Variants in NYAP2 observed in about 807,000 individuals in gnomAD.
NYAP2 encodes the protein neuronal tyrosine-phosphorylated phosphoinositide-3-kinase adaptor 2.
In NYAP2, 23 loss-of-function variants were observed where a neutral mutation model predicts 50.4. That is an observed-to-expected ratio of 0.46 (90% CI 0.33 to 0.65). The LOEUF (loss-of-function observed/expected upper bound fraction) is 0.65, where lower values mean the gene tolerates loss of function less well. NYAP2 is among the 30% of genes least tolerant of loss of function. The pLI is 0.02. For synonymous variants in NYAP2, 394 were observed against 365.2 expected (o/e 1.08, Z -0.90); for missense variants, 885 against 861.0 (o/e 1.03, Z -0.35).
intron 3 of NYAP2, among the ~76,000 whole-genome samples, chr2:225,456,014 C>A (rs1689732769): frequency 3.3e-5 from 5 of 152,222 alleles, no homozygotes; most frequent in African/African-American, 1.2e-4. Context: ...ATAAGACAAT[C>A]AGCATATTCA....
intron 3 of NYAP2, among the ~76,000 whole-genome samples, chr2:225,421,436 A>G (rs1695213208): frequency 6.6e-6 from 1 of 152,196 alleles, no homozygotes; most frequent in African/African-American, 2.4e-5. Flanking sequence ...GGGACAGATG[A>G]CATTTTGTGA....
the NYAP2 span, among the ~76,000 whole-genome samples, chr2:225,685,094 C>T: frequency 6.6e-6 from 1 of 152,194 alleles, no homozygotes; most frequent in African/African-American, 2.4e-5. Context: ...GGTACTTCCC[C>T]AGTTCAATTC....
chr2:225,555,317 T>G (rs569980059), intron 4 of NYAP2, among the ~76,000 whole-genome samples: 1 of 152,336 alleles, frequency 6.6e-6, no homozygotes, highest in South Asian at 2.1e-4. Flanking sequence ...TATTTCATTT[T>G]TCTTCCCTTT....
In NYAP2 at chr2:225,519,437, A is replaced by C. The variant is rs191228702; in HGVS notation, c.523+5765A>C. ...TCCCTCCCCCTCCCCCCACCCCACAACAGTCCCCAGAGTGTGATGTTCCCC... is the reference window on the plus strand; with the variant it reads ...TCCCTCCCCCTCCCCCCACCCCACACCAGTCCCCAGAGTGTGATGTTCCCC... On this transcript the variant is annotated intron_variant, in intron 4 of 6. Transcript: ENST00000636099. Among the ~76,000 whole-genome samples, 182 of 100,850 alleles carry C rather than the reference A, an allele frequency of 1.8e-3. No homozygotes were observed. In the East Asian group the frequency reaches 0.035, roughly 20 times the overall value. The allele number at this position is 100,850 out of a possible 152,430, so 66.2% of individuals were successfully genotyped here.
chr2:225,621,371 T>G (rs1693100700), intron 5 of NYAP2, among the ~76,000 whole-genome samples: 1 of 152,210 alleles, frequency 6.6e-6, no homozygotes, highest in Admixed American at 6.5e-5. Flanking sequence ...TTTTGACTTC[T>G]CATAAAAAGA....
chr2:225,592,657 A>T (rs1306604672), intron 5 of NYAP2, among the ~76,000 whole-genome samples: 1 of 152,128 alleles, frequency 6.6e-6, no homozygotes, highest in Non-Finnish European at 1.5e-5. Flanking sequence ...GGACCATGAC[A>T]TTGTCTGTTT....
intron 3 of NYAP2, among the ~76,000 whole-genome samples, chr2:225,481,495 T>G (rs1432911074): frequency 6.6e-6 from 1 of 152,138 alleles, no homozygotes; most frequent in Non-Finnish European, 1.5e-5. Flanking sequence ...ATTCACTTTT[T>G]GACCTGCTAA....
the NYAP2 span, among the ~76,000 whole-genome samples, chr2:225,676,886 A>T: frequency 6.6e-6 from 1 of 152,174 alleles, no homozygotes; most frequent in Non-Finnish European, 1.5e-5. Flanking sequence ...TGCTTTGACT[A>T]TTTGGGCTTT....
chr2:225,458,958 A>C (rs1689781912), intron 3 of NYAP2, among the ~76,000 whole-genome samples: 1 of 151,930 alleles, frequency 6.6e-6, no homozygotes, highest in African/African-American at 2.4e-5. Flanking sequence ...TCATTGGTCT[A>C]CTCTGCTTTC....
At chr2:225,404,936 G>A (rs1428072359) in intron 2 of NYAP2, among the ~76,000 whole-genome samples, 1 of 151,934 alleles carries the variant, frequency 6.6e-6, no homozygotes, top group Non-Finnish European at 1.5e-5. Context: ...TCCCAGGAGG[G>A]TCCCTGACAC....
intron 5 of NYAP2, among the ~76,000 whole-genome samples, chr2:225,618,190 G>A (rs1055806306): frequency 2.0e-5 from 3 of 152,146 alleles, no homozygotes; most frequent in South Asian, 2.1e-4. Flanking sequence ...CACAGCTACC[G>A]TACCAAGGGC....
intron 4 of NYAP2, among the ~76,000 whole-genome samples, chr2:225,547,784 C>T (rs1273008139): frequency 2.6e-5 from 4 of 152,162 alleles, no homozygotes; most frequent in African/African-American, 7.2e-5. Flanking sequence ...TATCATTGCT[C>T]ACCTGATTTT....
Position 225,627,134 on chromosome 2 carries a change from A to G in NYAP2, c.1828+8A>G. ...CGGGAAACCACAGTTCAGGTAAGGC[A>G]GATTATGATCTTCCAGAAGGTAATT... On this transcript the variant is annotated splice_region_variant and intron_variant, in intron 6 of 6. Coordinates refer to ENST00000636099, the Ensembl canonical transcript of NYAP2. 1 of 1,569,144 alleles carries G rather than the reference A, an allele frequency of 6.4e-7. No homozygotes were observed. Among genetic ancestry groups the G allele is most frequent in the Non-Finnish European group, 8.7e-7 (1 of 1,155,214 alleles).
chr2:225,426,456 G>A (rs1362752232), intron 3 of NYAP2, among the ~76,000 whole-genome samples: 1 of 152,176 alleles, frequency 6.6e-6, no homozygotes, highest in East Asian at 1.9e-4. Context: ...GCAGGAACTC[G>A]CTTTGCTCAT....
exon 4 of NYAP2, chr2:225,513,486 G>A (rs777944306): frequency 6.2e-7 from 1 of 1,613,778 alleles, no homozygotes; most frequent in African/African-American, 1.3e-5. Flanking sequence ...TTGCTCCAGT[G>A]GCTTTTCTGT....
At chr2:225,604,596 T>C (rs1260728185) in intron 5 of NYAP2, among the ~76,000 whole-genome samples, 1 of 152,170 alleles carries the variant, frequency 6.6e-6, no homozygotes, top group African/African-American at 2.4e-5. Context: ...GTGTTTTGCA[T>C]ATGGTTTTAC....
chr2:225,690,660 G>A, the NYAP2 span, among the ~76,000 whole-genome samples: 2 of 151,670 alleles, frequency 1.3e-5, no homozygotes, highest in African/African-American at 2.4e-5. Flanking sequence ...TCTAACATAC[G>A]GCTTTTCCTT....
intron 4 of NYAP2, among the ~76,000 whole-genome samples, chr2:225,564,283 G>GAA (rs111656670): frequency 3.3e-5 from 5 of 150,696 alleles, no homozygotes; most frequent in African/African-American, 7.3e-5. Context: ...CAAATAATGT[G>GAA]AAAAAAAAGA....
In NYAP2 at chr2:225,513,682, G is replaced by A. The variant is rs575474260; in HGVS notation, c.523+10G>A. The stretch of plus-strand genomic sequence containing the variant: ...CCTGAGAGGACTGAAGGTAAAACAC[G>A]CCATGTCCATGTCACCTAGAAATCT... On this transcript the variant is annotated intron_variant, in intron 4 of 6. Transcript: ENST00000636099. 28 of 1,491,686 alleles carry A rather than the reference G, an allele frequency of 1.9e-5. No homozygotes were observed. Among genetic ancestry groups the A allele is most frequent in the South Asian group, 1.4e-4 (10 of 71,250 alleles). 92.4% of individuals were successfully genotyped at this position (1,491,686 alleles called of 1,614,324 possible). A position where few individuals can be genotyped will look rare whatever the true frequency, so the allele number is the denominator to read the frequency against.
Sources: allele counts gnomAD v4.1 joint callset (sites outside exome capture counted in the v4.1 genomes callset), GRCh38; gene constraint gnomAD v4.1.1; transcripts MANE v1.5; gene names NCBI Gene and HGNC (gene_info 2026-07-23, HGNC 2026-07-21).